The following NBPF14 variants were observed in gnomAD, a reference collection of about 807,000 sequenced individuals.
The protein encoded by NBPF14 is NBPF member 14, also known as NBPF family member NBPF14.
Under a neutral mutation model 91.2 loss-of-function variants are expected in NBPF14, and 104 were observed. The observed-to-expected ratio is 1.14, with a 90% CI of 0.97 to 1.34. The LOEUF is 1.34. Among genes scored for constraint, NBPF14 ranks in the 40% most tolerant of loss-of-function variants. The pLI is 0.00. For missense variants in NBPF14, 908 were observed against 783.0 expected (o/e 1.16, Z -1.91); for synonymous variants, 294 against 303.8 (o/e 0.97, Z 0.34).
chr1:148,587,582 C>A (rs1371205240), intron 7 of NBPF14, among the ~76,000 whole-genome samples, 179 bp from the exon 8 acceptor site: 4 of 146,256 alleles, frequency 2.7e-5, no homozygotes, highest in Non-Finnish European at 4.6e-5. Flanking sequence ...TCTGATCCTC[C>A]AAAATTTAGA....
intron 28 of NBPF14, among the ~76,000 whole-genome samples, 198 bp from the exon 29 acceptor site, chr1:148,566,513 AC>A (rs1658367828): frequency 2.0e-5 from 2 of 102,112 alleles, no homozygotes; most frequent in African/African-American, 1.0e-4. Context: ...AGACAGACAC[AC>A]ACACACACAC....
chr1:148,559,870 G>A, exon 37 of NBPF14: 2 of 1,436,598 alleles, frequency 1.4e-6, no homozygotes, highest in South Asian at 1.3e-5. Flanking sequence ...GCATGAGTCA[G>A]TCAGTTCAAG....
In NBPF14 at chr1:148,592,699, C is replaced by G. The variant is rs1381428153; in HGVS notation, c.346G>C (p.Gly116Arg). 3.8e-6 allele frequency: 6 copies of G among 1,587,164 alleles called. No individual in the cohort carries two copies. The African/African-American group carries it at 5.4e-5, about 14-fold the overall frequency. Residue 116 changes from glycine (G) to arginine (R), a missense_variant, in exon 4 of 71, where the codon GGG becomes CGG. By Grantham distance (125) the Gly-to-Arg change is moderately radical (BLOSUM62 -2). Coordinates refer to ENST00000619423, the Ensembl canonical transcript of NBPF14. ...TACAATGAGCGGGAGGCATCTCTCC[C>G]TTCCCGTAACTTCTCCCTTAGCTGG...
Position 148,577,977 on chromosome 1 carries a change from A to T in NBPF14, c.1853+6T>A. On this transcript the variant is annotated splice_donor_region_variant and intron_variant, in intron 14 of 70. Coordinates refer to ENST00000619423, the Ensembl canonical transcript of NBPF14. ...AAATTAACTGTCCACAATTTCTCAG[A>T]CTCACCTGGGACCTGTTGCCTCTTG... 8.3e-6 allele frequency: 5 copies of T among 603,224 alleles called. No individual in the cohort carries two copies. The East Asian group carries it at 1.1e-4, about 13-fold the overall frequency. The allele number at this position is 603,224 out of a possible 1,614,324, so 37.4% of individuals were successfully genotyped here.
chr1:148,566,508 GAC>G (rs1170223898), intron 28 of NBPF14, among the ~76,000 whole-genome samples, 193 bp from the exon 29 acceptor site: 36,543 of 121,402 alleles, frequency 0.3, 7,692 homozygotes, highest in East Asian at 0.61. Context: ...GAGAAAGACA[GAC>G]ACACACACAC....
At chr1:148,533,573 T>C (rs1379584494) in intron 70 of NBPF14, among the ~76,000 whole-genome samples, 1 of 147,056 alleles carries the variant, frequency 6.8e-6, no homozygotes, top group East Asian at 2.0e-4. Flanking sequence ...ACTGTGATCA[T>C]GAAAAGAGTG....
chr1:148,577,738 C>A (rs1660177247), intron 14 of NBPF14, among the ~76,000 whole-genome samples: 2 of 141,160 alleles, frequency 1.4e-5, no homozygotes, highest in Admixed American at 7.1e-5. Flanking sequence ...AGTTTCCCGG[C>A]AGTTACCATG....
chr1:148,569,180 G>C (rs1658877970), intron 25 of NBPF14, 75 bp downstream of exon 25: 1 of 241,158 alleles, frequency 4.1e-6, no homozygotes, highest in South Asian at 3.3e-5. Flanking sequence ...CTCAGTAAGG[G>C]CCACTTGCAG....
At chr1:148,535,096 C>T (rs1278038517) in intron 68 of NBPF14, among the ~76,000 whole-genome samples, 350 of 145,730 alleles carry the variant, frequency 2.4e-3, no homozygotes, top group African/African-American at 8.8e-3. Flanking sequence ...GCGAATTGGC[C>T]GGGTGACACA....
exon 34 of NBPF14, chr1:148,562,267 C>G (rs1657967926): frequency 6.1e-6 from 1 of 163,082 alleles, no homozygotes; most frequent in Non-Finnish European, 1.1e-5. Context: ...TCTTCTTCCT[C>G]TTCTTCGTCC....
chr1:148,566,577 A>T (rs1428118130), intron 28 of NBPF14, among the ~76,000 whole-genome samples: 3 of 143,766 alleles, frequency 2.1e-5, no homozygotes, highest in Non-Finnish European at 4.7e-5. Context: ...AGCTCAGTGA[A>T]TTGTCCAGGT....
intron 8 of NBPF14, among the ~76,000 whole-genome samples, chr1:148,587,083 T>C (rs1661664686): frequency 6.7e-6 from 1 of 148,188 alleles, no homozygotes; most frequent in South Asian, 2.2e-4. Context: ...CAAAAATTAC[T>C]TGTTTGAAAA....
chr1:148,539,314 C>A (rs1481429703), intron 63 of NBPF14, 96 bp downstream of exon 63: 2 of 614,810 alleles, frequency 3.3e-6, no homozygotes, highest in East Asian at 3.4e-5. Flanking sequence ...GCGGCAATGA[C>A]GTCTCTCGGG....
exon 37 of NBPF14, chr1:148,559,962 G>A (rs1339643523): frequency 8.2e-6 from 11 of 1,338,964 alleles, no homozygotes; most frequent in Middle Eastern, 2.6e-4. Flanking sequence ...GCTCCCTGCT[G>A]AGCCTGGAAA....
chr1:148,534,158 G>A (rs1332934208), intron 69 of NBPF14, among the ~76,000 whole-genome samples, 189 bp from the exon 70 acceptor site: 5 of 148,180 alleles, frequency 3.4e-5, no homozygotes, highest in African/African-American at 7.5e-5. Flanking sequence ...CCCAGAAACT[G>A]TGGGTAAAAT....
chr1:148,534,540 G>A (rs1250138807), intron 69 of NBPF14, 144 bp downstream of exon 69: 1 of 711,054 alleles, frequency 1.4e-6, no homozygotes, highest in Admixed American at 2.0e-5. Flanking sequence ...TGAGACTACA[G>A]TTTCATTACA....
At position 148,566,294 on chromosome 1, in the gene NBPF14, C is replaced by T. The variant is rs1247294630; in HGVS notation, c.3564G>A (p.Glu1188=). The T allele has an allele frequency of 1.5e-5, 10 of 686,746 alleles. No individual in the cohort carries two copies. The East Asian group carries it at 1.5e-4, about 10-fold the overall frequency. 42.5% of individuals were successfully genotyped at this position (686,746 alleles called of 1,614,324 possible). The stretch of plus-strand genomic sequence containing the variant: ...CCTGCAAGACTTCAGGCTCTACTAC[C>T]TCCAGCAGCTCCCTGCTGAGCCTGG... Residue 1188 remains glutamate (E), a synonymous_variant, in exon 29 of 71, where the codon GAG becomes GAA. Transcript: ENST00000619423.
At chr1:148,579,922 C>T (rs1391890657) in intron 12 of NBPF14, among the ~76,000 whole-genome samples, 33 of 152,052 alleles carry the variant, frequency 2.2e-4, no homozygotes, top group Non-Finnish European at 2.5e-4. Flanking sequence ...AAAAGACATC[C>T]ACCCCAAAAC....
chr1:148,566,558 C>CAGAGAG (rs1422183065), intron 28 of NBPF14, among the ~76,000 whole-genome samples: 4 of 141,796 alleles, frequency 2.8e-5, no homozygotes, highest in Non-Finnish European at 6.3e-5. Flanking sequence ...CACACACACA[C>CAGAGAG]AGAGAACGAG....
Sources: allele counts gnomAD v4.1 joint callset (sites outside exome capture counted in the v4.1 genomes callset), GRCh38; gene constraint gnomAD v4.1.1; transcripts MANE v1.5; gene names NCBI Gene and HGNC (gene_info 2026-07-23, HGNC 2026-07-21).